The following KRT77 variants were observed in gnomAD, a reference collection of about 807,000 sequenced individuals.
The protein encoded by KRT77 is keratin 77.
KRT77 carries 44 observed loss-of-function variants against 51.5 expected under a neutral mutation model. The observed-to-expected ratio is 0.85, with a 90% CI of 0.67 to 1.10. KRT77 has a LOEUF of 1.10. KRT77 is among the 50% of genes least tolerant of loss of function. The pLI, the probability that KRT77 is intolerant of heterozygous loss-of-function variation, is 0.00. For synonymous variants in KRT77, 293 were observed against 302.0 expected, an observed-to-expected ratio of 0.97 and a Z score of 0.31; for missense variants, 763 against 743.9, an observed-to-expected ratio of 1.03 and a Z score of -0.30.
intron 1 of KRT77, 196 bp from the exon 2 acceptor site, chr12:52,698,092 G>A (rs1941827459): frequency 1.3e-5 from 19 of 1,485,256 alleles, no homozygotes; most frequent in Non-Finnish European, 1.7e-5. Context: ...ATGGCTGTAA[G>A]GTCAACTTGC....
At position 52,691,933 on chromosome 12, in the gene KRT77, C is replaced by T; in HGVS notation, c.1462+5G>A. 6.2e-7 allele frequency: 1 copy of T among 1,614,032 alleles called. No individual in the cohort carries two copies. Among genetic ancestry groups the T allele is most frequent in the South Asian group, 1.1e-5 (1 of 91,080 alleles). Reference sequence around the variant, plus strand: ...CTCTCTCTGCCCCTGGGCTCTGCTACTTACAGATGCTCACATGGCTCTGCA... The same window carrying T: ...CTCTCTCTGCCCCTGGGCTCTGCTATTTACAGATGCTCACATGGCTCTGCA... On this transcript the variant is annotated splice_donor_5th_base_variant and intron_variant, in intron 8 of 8. Coordinates refer to ENST00000341809, the MANE Select transcript of KRT77 (RefSeq NM_175078.3).
rs545075524 is a variant in KRT77 at position 52,702,794 on chromosome 12, A to C, written c.543+98T>G. 602 of 1,270,084 alleles carry C rather than the reference A, an allele frequency of 4.7e-4. 2 individuals are homozygous for C. Among genetic ancestry groups the C allele is most frequent in the South Asian group, 8.5e-4 (62 of 72,922 alleles). The allele number at this position is 1,270,084 out of a possible 1,614,324, so 78.7% of individuals were successfully genotyped here. ...AATGATTTTCTAAGGTCCCAGGTCAAGCTGAAACAGCACGATGTGGTGAGA... is the reference window on the plus strand; with the variant it reads ...AATGATTTTCTAAGGTCCCAGGTCACGCTGAAACAGCACGATGTGGTGAGA... On this transcript the variant is annotated intron_variant, in intron 1 of 8. Coordinates refer to ENST00000341809, the MANE Select transcript of KRT77 (RefSeq NM_175078.3).
At position 52,695,817 on chromosome 12, in the gene KRT77, G is replaced by A; in HGVS notation, c.870C>T (p.Asp290=). 6.2e-7 allele frequency: 1 copy of A among 1,614,008 alleles called. No homozygotes were observed. Among genetic ancestry groups the A allele is most frequent in the South Asian group, 1.1e-5 (1 of 91,082 alleles). Residue 290 remains aspartate (D), a synonymous_variant, in exon 4 of 9, where the codon GAC becomes GAT. Transcript: ENST00000341809. ...AGAAATTGACCTCCCCAGTCAGAGT[G>A]TCCACCCTGGACTCCAGGTCCACTT... ...VSKVDLESRV[D]TLTGEVNFLK... is the part of the protein sequence containing the mutation.
chr12:52,694,913 A>G (rs989331525), intron 4 of KRT77, 123 bp from the exon 5 acceptor site: 2 of 831,200 alleles, frequency 2.4e-6, no homozygotes, highest in African/African-American at 1.7e-5. Context: ...TCTTGGGAAA[A>G]GCTCTTGGAA....
At chr12:52,695,587 G>A (rs10783529) in intron 4 of KRT77, among the ~76,000 whole-genome samples, 185 bp downstream of exon 4, 64,047 of 151,814 alleles carry the variant, frequency 0.42, 13,743 homozygotes, top group South Asian at 0.45. Context: ...TCATTACCCC[G>A]ACCTGGGGAT....
At chr12:52,699,097 A>G (rs995199471) in intron 1 of KRT77, among the ~76,000 whole-genome samples, 1 of 152,302 alleles carries the variant, frequency 6.6e-6, no homozygotes, top group South Asian at 2.1e-4. Flanking sequence ...TCAAAGCAAG[A>G]GATTAGGCAA....
At chr12:52,695,744 AGG>A (rs1348887967) in intron 4 of KRT77, 26 bp downstream of exon 4, 12 of 1,490,976 alleles carry the variant, frequency 8.0e-6, no homozygotes, top group Non-Finnish European at 1.1e-5. Context: ...GAGAAAAGAA[AGG>A]AGGTTCTTAT....
intron 5 of KRT77, 123 bp from the exon 6 acceptor site, chr12:52,693,003 T>A: frequency 9.2e-7 from 1 of 1,085,456 alleles, no homozygotes; most frequent in Non-Finnish European, 1.3e-6. Context: ...TGGTCACCCC[T>A]ACATGCATAC....
chr12:52,694,717 T>C lies in KRT77; in HGVS notation c.989A>G (p.Asp330Gly). 6.2e-7 allele frequency: 1 copy of C among 1,613,752 alleles called. No individual in the cohort carries two copies. Among genetic ancestry groups the C allele is most frequent in the Non-Finnish European group, 8.5e-7 (1 of 1,179,726 alleles). The change falls in exon 5 of 9, where the codon GAC becomes GGC. Residue 330 changes from aspartate to glycine, a missense_variant. Coordinates refer to ENST00000341809, the MANE Select transcript of KRT77 (RefSeq NM_175078.3). ...CACTGCATCGATGATGCTGTCCAGG[T>C]CCAGGGAACGGTTATTGTCCATGGA... Reference protein sequence around the residue: ...ILSMDNNRSLDLDSIIDAVRT... With the variant: ...ILSMDNNRSLGLDSIIDAVRT...
chr12:52,691,464 G>T, intron 8 of KRT77, 25 bp from the exon 9 acceptor site: 2 of 1,532,446 alleles, frequency 1.3e-6, no homozygotes, highest in East Asian at 2.3e-5. Flanking sequence ...CAGTGCACAC[G>T]GGGTCAGAGG....
Position 52,694,795 on chromosome 12 carries a change from G to A in KRT77, c.916-5C>T, listed in dbSNP as rs1485234330. The A allele has an allele frequency of 4.4e-6, 7 of 1,595,088 alleles. No homozygotes were observed. Among genetic ancestry groups the A allele is most frequent in the Admixed American group, 3.4e-5 (2 of 59,630 alleles). ...AGTCTGCACCTGAGACAGCTCCTGC[G>A]AGGCATGGCGCACAGGCTGACTCCT... is the stretch of plus-strand genomic sequence containing the variant. On this transcript the variant is annotated splice_region_variant and splice_polypyrimidine_tract_variant and intron_variant, in intron 4 of 8. Transcript: ENST00000341809.
At chr12:52,695,065 C>T (rs1941775074) in intron 4 of KRT77, 2 of 244,286 alleles carry the variant, frequency 8.2e-6, no homozygotes. Flanking sequence ...CTGACTTGGC[C>T]ACCATAGTGA....
intron 5 of KRT77, 151 bp from the exon 6 acceptor site, chr12:52,693,031 C>T (rs1592271802): frequency 3.6e-6 from 3 of 831,820 alleles, no homozygotes; most frequent in East Asian, 2.6e-5. Context: ...TATACCAAAC[C>T]TCCCTCACCC....
Position 52,703,350 on chromosome 12 carries a change from C to CA in KRT77, c.84dup (p.Gly29TrpfsTer31). On this transcript the variant is annotated frameshift_variant, in exon 1 of 9. Transcript: ENST00000341809. LOFTEE classifies it high-confidence loss of function. The stretch of plus-strand genomic sequence containing the variant: ...ACAGAACCCACTGCCGGACTCCCAC[C>CA]ACCAGAGCCTGCAGAAGAGCTGGTA... The CA allele has an allele frequency of 6.2e-7, 1 of 1,614,122 alleles. No homozygotes were observed. The highest frequency in any genetic ancestry group is 2.2e-5 in the East Asian group (1 of 44,878).
chr12:52,696,607 C>T (rs894234768), intron 2 of KRT77, 177 bp from the exon 3 acceptor site: 2 of 615,070 alleles, frequency 3.3e-6, no homozygotes, highest in South Asian at 1.9e-5. Flanking sequence ...TGGATGAGGG[C>T]AGAGCCAACT....
At position 52,703,390 on chromosome 12, in the gene KRT77, G is replaced by C. The variant is rs1394911813; in HGVS notation, c.45C>G (p.Ser15Arg). The C allele has an allele frequency of 3.7e-6, 6 of 1,610,570 alleles. No individual in the cohort carries two copies. The Admixed American group carries it at 1.0e-4, about 27-fold the overall frequency. ...FSSQSAFSSM[S>R]RRVYSTSSSA... is the part of the protein sequence containing the mutation. ...AAGAGCTGGTACTATAAACCCGCCT[G>C]CTCATTGAACTAAACGCGGACTGAG... The change falls in exon 1 of 9, where the codon AGC (serine) becomes AGG (arginine). Residue 15 changes from serine (S) to arginine (R), a missense_variant. Transcript: ENST00000341809.
At chr12:52,694,597 T>C in intron 5 of KRT77, 29 bp downstream of exon 5, 1 of 1,559,546 alleles carries the variant, frequency 6.4e-7, no homozygotes. Flanking sequence ...TCTGTTTTTC[T>C]GGGCACCAGA....
intron 1 of KRT77, among the ~76,000 whole-genome samples, chr12:52,700,367 G>A (rs1289086565): frequency 6.6e-6 from 1 of 152,182 alleles, no homozygotes; most frequent in Non-Finnish European, 1.5e-5. Context: ...GAGTCACACA[G>A]GGCCGGGGCA....
intron 1 of KRT77, among the ~76,000 whole-genome samples, chr12:52,699,872 G>T (rs1941860108): frequency 6.6e-6 from 1 of 152,238 alleles, no homozygotes; most frequent in Admixed American, 6.5e-5. Context: ...AGGGGACACA[G>T]TGGACCCATG....
Sources: allele counts gnomAD v4.1 joint callset (sites outside exome capture counted in the v4.1 genomes callset), GRCh38; gene constraint gnomAD v4.1.1; transcripts MANE v1.5; gene names NCBI Gene and HGNC (gene_info 2026-07-23, HGNC 2026-07-21).